CERS3: variants seen among roughly 807,000 people sequenced by gnomAD.
CERS3 encodes LAG1 homolog, ceramide synthase 3.
A neutral mutation model predicts 50.3 loss-of-function variants in CERS3; 33 were observed. The observed-to-expected ratio is 0.66, with a 90% confidence interval of 0.50 to 0.88. CERS3 has a LOEUF of 0.88. CERS3 is among the 40% of genes least tolerant of loss of function. The pLI is 0.00. For synonymous variants in CERS3, 176 were observed against 155.2 expected (o/e 1.13, Z -0.99); for missense variants, 470 against 460.3 (o/e 1.02, Z -0.19).
intron 11 of CERS3, among the ~76,000 whole-genome samples, chr15:100,430,134 A>G (rs1157820785): frequency 6.6e-6 from 1 of 151,988 alleles, no homozygotes; most frequent in African/African-American, 2.4e-5. Flanking sequence ...AACACGGTGG[A>G]ACCCTGTCTC....
rs781323689 is a variant in CERS3 at position 100,501,839 on chromosome 15, G to A, written c.11C>T (p.Thr4Met). 9.3e-6 allele frequency: 15 copies of A among 1,613,602 alleles called. No homozygotes were observed. In the Admixed American group the frequency reaches 1.0e-4, roughly 11 times the overall value. ...TTCCAACCAGAACCATTCTTTAAACGTCCAAAACATTCTAGAGAAATGGAA... is the reference window on the plus strand; with the variant it reads ...TTCCAACCAGAACCATTCTTTAAACATCCAAAACATTCTAGAGAAATGGAA... The part of the protein sequence containing the change: MFW[T>M]FKEWFWLERF... The change falls in exon 3 of 12, where the codon ACG becomes ATG. Residue 4 changes from threonine (T) to methionine (M), a missense_variant. By Grantham distance (81) the Thr-to-Met change is moderately conservative (BLOSUM62 -1). Transcript: ENST00000679737.
At chr15:100,443,519 C>A (rs1241989723) in intron 11 of CERS3, among the ~76,000 whole-genome samples, 15 of 149,154 alleles carry the variant, frequency 1.0e-4, no homozygotes, top group African/African-American at 3.0e-4. Context: ...CTCCATAATC[C>A]ATTATTGTGT....
chr15:100,462,365 A>T (rs2034576994), intron 10 of CERS3, among the ~76,000 whole-genome samples: 1 of 152,232 alleles, frequency 6.6e-6, no homozygotes, highest in Admixed American at 6.5e-5. Flanking sequence ...TGGACTAGCT[A>T]AGGCAACCAC....
chr15:100,482,701 C>T (rs8038530), intron 5 of CERS3, among the ~76,000 whole-genome samples: 4,920 of 152,078 alleles, frequency 0.032, 188 homozygotes, highest in African/African-American at 0.078. Flanking sequence ...AAGGAACAAA[C>T]ACACTGAACC....
chr15:100,438,275 C>T (rs1282776769), intron 11 of CERS3, among the ~76,000 whole-genome samples: 1 of 151,654 alleles, frequency 6.6e-6, no homozygotes, highest in African/African-American at 2.4e-5. Flanking sequence ...AATCTCCTGA[C>T]CTCAGGTGAT....
intron 11 of CERS3, among the ~76,000 whole-genome samples, chr15:100,417,250 C>T (rs1361099946): frequency 3.3e-5 from 5 of 151,840 alleles, no homozygotes; most frequent in East Asian, 3.9e-4. Flanking sequence ...CGAAGCAGGG[C>T]GAGGCATTGC....
chr15:100,448,471 G>A (rs1205350872), intron 11 of CERS3, among the ~76,000 whole-genome samples: 1 of 152,196 alleles, frequency 6.6e-6, no homozygotes, highest in Non-Finnish European at 1.5e-5. Flanking sequence ...CCACAGGAGA[G>A]GCTCTCAACT....
chr15:100,526,478 C>CTGTGTGTGTGTGTGTGTA (rs2036794816), intron 1 of CERS3, among the ~76,000 whole-genome samples: 1 of 131,458 alleles, frequency 7.6e-6, no homozygotes, highest in Non-Finnish European at 1.6e-5. Flanking sequence ...CCTACATAAA[C>CTGTGTGTGTGTGTGTGTA]TGTGTGTGTG....
intron 3 of CERS3, among the ~76,000 whole-genome samples, chr15:100,494,463 G>A (rs946413939): frequency 2.0e-5 from 3 of 151,524 alleles, no homozygotes; most frequent in Admixed American, 6.6e-5. Context: ...TAGCCAGGAT[G>A]GTCTCGATCT....
intron 10 of CERS3, among the ~76,000 whole-genome samples, chr15:100,459,017 G>A (rs2034465452): frequency 6.6e-6 from 1 of 152,208 alleles, no homozygotes; most frequent in African/African-American, 2.4e-5. Flanking sequence ...AAGCAGCCAT[G>A]ACAGCTAACA....
chr15:100,487,127 G>A (rs1034309331), intron 4 of CERS3, among the ~76,000 whole-genome samples: 50 of 152,300 alleles, frequency 3.3e-4, no homozygotes, highest in Middle Eastern at 3.4e-3. Flanking sequence ...TGTGAAACAT[G>A]AAGCATTTAT....
rs2030449799 is a variant in CERS3, at chr15:100,400,665, C to G, written c.*2048G>C. On this transcript the variant is annotated 3_prime_UTR_variant, in exon 12 of 12. Coordinates refer to ENST00000679737, the MANE Select transcript of CERS3 (RefSeq NM_001378789.1). ...TTCAACATTCAAATAAGAAAAAAAA[C>G]TGGAGATAGAGGTAAACAAATACTT... The G allele has an allele frequency of 6.6e-6, 1 of 151,858 alleles. No homozygotes were observed. Among genetic ancestry groups the G allele is most frequent in the Non-Finnish European group, 1.5e-5 (1 of 67,980 alleles). The allele number at this position is 151,858 out of a possible 1,614,324, so 9.4% of individuals were successfully genotyped here. A position where few individuals can be genotyped will look rare whatever the true frequency, so the allele number is the denominator to read the frequency against.
At chr15:100,532,828 G>A (rs191132881), upstream of CERS3, among the ~76,000 whole-genome samples, 3 of 152,254 alleles carry the variant, frequency 2.0e-5, no homozygotes, top group Non-Finnish European at 4.4e-5. Flanking sequence ...TTCACAAGTG[G>A]TTCCCCACTA....
In CERS3 at chr15:100,510,596, G is replaced by T. The variant is rs73475703; in HGVS notation, c.-1-8746C>A. 3.8e-3 allele frequency among the ~76,000 whole-genome samples: 581 copies of T among 152,266 alleles called. 4 individuals carry two copies. Among genetic ancestry groups the T allele is most frequent in the African/African-American group, 0.013 (540 of 41,558 alleles). ...CCTGGTATGTGGCTGCCCGCTCCAT[G>T]AGGCAGCATTCTCCAGCCTCCCCAG... On this transcript the variant is annotated intron_variant, in intron 2 of 11. Transcript: ENST00000679737.
chr15:100,430,807 C>T (rs2033091741), intron 11 of CERS3, among the ~76,000 whole-genome samples: 1 of 152,182 alleles, frequency 6.6e-6, no homozygotes, highest in Non-Finnish European at 1.5e-5. Flanking sequence ...TTGACAAGGT[C>T]ACAGAAAAAA....
intron 1 of CERS3, among the ~76,000 whole-genome samples, chr15:100,528,449 G>C (rs67756901): frequency 0.089 from 13,600 of 152,174 alleles, 714 homozygotes; most frequent in Admixed American, 0.13. Flanking sequence ...GCATTCAGCC[G>C]TGTGTGATTT....
chr15:100,519,730 C>T (rs2036588700), intron 2 of CERS3, among the ~76,000 whole-genome samples: 1 of 152,218 alleles, frequency 6.6e-6, no homozygotes, highest in African/African-American at 2.4e-5. Flanking sequence ...CCAACCTTTG[C>T]CATGCTGCTA....
chr15:100,467,765 C>CTATA (rs536010315), intron 10 of CERS3, among the ~76,000 whole-genome samples: 62 of 108,792 alleles, frequency 5.7e-4, no homozygotes, highest in Middle Eastern at 4.8e-3. Flanking sequence ...CTCTCTCTCT[C>CTATA]TCTCTATATA....
chr15:100,413,041 C>T lies in CERS3; in HGVS notation c.1000-10176G>A, dbSNP rs192063626. 5.3e-4 allele frequency among the ~76,000 whole-genome samples: 81 copies of T among 152,104 alleles called. No individual in the cohort carries two copies. In the East Asian group the frequency reaches 0.014, roughly 27 times the overall value. Reference sequence around the variant, plus strand: ...GATTTTTTTCATACTATCCATATAACCCAAAATAAATTAAAAATGTGCCAG... The same window carrying T: ...GATTTTTTTCATACTATCCATATAATCCAAAATAAATTAAAAATGTGCCAG... On this transcript the variant is annotated intron_variant, in intron 11 of 11. Coordinates refer to ENST00000679737, the MANE Select transcript of CERS3 (RefSeq NM_001378789.1).
Sources: gnomAD v4.1 joint callset for allele counts (sites outside exome capture counted in the v4.1 genomes callset) on GRCh38, gnomAD v4.1.1 for gene constraint, MANE v1.5 for transcripts, NCBI Gene and HGNC (gene_info 2026-07-23, HGNC 2026-07-21) for gene names.